The following NBAS variants were observed in gnomAD, a reference collection of about 807,000 sequenced individuals.
NBAS encodes the protein NBAS subunit of NRZ tethering complex.
Under a neutral mutation model 302.5 loss-of-function variants are expected in NBAS, and 219 were observed. The observed-to-expected ratio is 0.72, with a 90% CI of 0.65 to 0.81. The LOEUF is 0.81. Ranked by LOEUF, NBAS falls within the 30% of genes least tolerant of loss-of-function variation. The probability of loss-of-function intolerance (pLI) is 0.00; values close to 1 mark genes in which losing one functional copy is unlikely to be tolerated. For missense variants in NBAS, 2,932 were observed against 2,841.6 expected (o/e 1.03, Z -0.72); for synonymous variants, 1,118 against 1,021.6 (o/e 1.09, Z -1.80).
At chr2:15,527,314 G>C (rs755211029) in intron 9 of NBAS, among the ~76,000 whole-genome samples, 3 of 152,206 alleles carry the variant, frequency 2.0e-5, no homozygotes, top group Non-Finnish European at 4.4e-5. Context: ...TCAAGTAGCT[G>C]ATAGTCTAAT....
the NBAS span, among the ~76,000 whole-genome samples, chr2:14,990,906 T>C: frequency 0.015 from 2,282 of 152,086 alleles, 56 homozygotes; most frequent in African/African-American, 0.051. Flanking sequence ...AATGAAGAAA[T>C]AGACAATGGT....
intron 50 of NBAS, among the ~76,000 whole-genome samples, chr2:15,183,817 G>C (rs1411803108): frequency 3.3e-5 from 5 of 152,164 alleles, no homozygotes; most frequent in Non-Finnish European, 7.3e-5. Flanking sequence ...TGTGAGGAGT[G>C]CTCTAACCGA....
chr2:14,854,682 G>A, the NBAS span, among the ~76,000 whole-genome samples: 1 of 152,172 alleles, frequency 6.6e-6, no homozygotes, highest in Non-Finnish European at 1.5e-5. Flanking sequence ...TGTCCTGTTA[G>A]AGCAGAAAGG....
the NBAS span, among the ~76,000 whole-genome samples, chr2:15,044,405 A>G: frequency 1.3e-5 from 2 of 152,246 alleles, no homozygotes; most frequent in Non-Finnish European, 2.9e-5. Context: ...TTGACATTAC[A>G]CACACAGAAG....
intron 44 of NBAS, among the ~76,000 whole-genome samples, chr2:15,254,009 C>T (rs532498825): frequency 1.3e-5 from 2 of 152,154 alleles, no homozygotes; most frequent in African/African-American, 2.4e-5. Flanking sequence ...GAGAGAGGAA[C>T]GTGAATTCTC....
chr2:15,211,714 T>C (rs1489242060), intron 48 of NBAS, among the ~76,000 whole-genome samples: 2 of 152,194 alleles, frequency 1.3e-5, no homozygotes, highest in Admixed American at 6.5e-5. Context: ...TTGGACATGA[T>C]TAGCCCAACT....
At chr2:15,360,431 GA>G (rs756091794) in intron 32 of NBAS, among the ~76,000 whole-genome samples, 3 of 151,126 alleles carry the variant, frequency 2.0e-5, no homozygotes, top group Non-Finnish European at 4.4e-5. Flanking sequence ...GTAACCTCGT[GA>G]ACTCCTTGGT....
At chr2:15,068,453 G>A in the NBAS span, among the ~76,000 whole-genome samples, 16 of 152,276 alleles carry the variant, frequency 1.1e-4, no homozygotes, top group Non-Finnish European at 2.2e-4. Context: ...CTCTACTGAG[G>A]ACTTTGTCTA....
At chr2:15,297,625 C>G (rs1053633222) in intron 40 of NBAS, among the ~76,000 whole-genome samples, 1 of 152,226 alleles carries the variant, frequency 6.6e-6, no homozygotes, top group South Asian at 2.1e-4. Flanking sequence ...GCCTCCCAGC[C>G]ATGCTTCCTG....
the NBAS span, among the ~76,000 whole-genome samples, chr2:15,064,337 A>T: frequency 6.6e-6 from 1 of 151,214 alleles, no homozygotes; most frequent in South Asian, 2.1e-4. Flanking sequence ...ACGAGGAGAC[A>T]TTACAACTAA....
intron 35 of NBAS, among the ~76,000 whole-genome samples, chr2:15,331,031 T>C (rs1365092744): frequency 1.3e-5 from 2 of 152,156 alleles, no homozygotes; most frequent in Non-Finnish European, 2.9e-5. Context: ...CCCTCAGAAG[T>C]ACTTATAAAG....
chr2:15,475,820 A>G lies in NBAS; in HGVS notation c.1208T>C (p.Leu403Ser), dbSNP rs564423532. 1.2e-6 allele frequency: 2 copies of G among 1,614,090 alleles called. No homozygotes were observed. The highest frequency in any genetic ancestry group is 1.3e-5 in the African/African-American group (1 of 75,050). Residue 403 changes from leucine to serine, a missense_variant, in exon 14 of 52, where the codon TTA (leucine) becomes TCA (serine). Coordinates refer to ENST00000281513, the MANE Select transcript of NBAS (RefSeq NM_015909.4). ...VNWWADSAVT[L>S]ARCSGALTVS... ...AGTTAAAGCACCAGAGCATCGAGCT[A>G]AAGTCACTGCACTGTCTGCCCACCA...
the NBAS span, among the ~76,000 whole-genome samples, chr2:14,949,091 T>C: frequency 6.6e-6 from 1 of 151,954 alleles, no homozygotes; most frequent in Non-Finnish European, 1.5e-5. Context: ...AAAAATCAAA[T>C]CAAATTGGAT....
intron 42 of NBAS, among the ~76,000 whole-genome samples, chr2:15,283,007 A>G (rs1669891041): frequency 6.6e-6 from 1 of 152,132 alleles, no homozygotes; most frequent in African/African-American, 2.4e-5. Context: ...ACTTACTACA[A>G]CATACAACTT....
chr2:14,827,235 T>C, the NBAS span, among the ~76,000 whole-genome samples: 2 of 152,212 alleles, frequency 1.3e-5, no homozygotes, highest in Non-Finnish European at 2.9e-5. Flanking sequence ...CTTACTCACA[T>C]TGTGAGTGGT....
At chr2:15,313,705 T>C (rs1325786655) in intron 38 of NBAS, among the ~76,000 whole-genome samples, 2 of 152,234 alleles carry the variant, frequency 1.3e-5, no homozygotes, top group African/African-American at 2.4e-5. Flanking sequence ...CCAGAAATGC[T>C]GTTGAGCTTG....
At chr2:15,100,621 G>T in the NBAS span, among the ~76,000 whole-genome samples, 1 of 152,180 alleles carries the variant, frequency 6.6e-6, no homozygotes, top group African/African-American at 2.4e-5. Flanking sequence ...GAGACAGGGT[G>T]TCGAATTTAG....
chr2:14,848,415 C>T, the NBAS span, among the ~76,000 whole-genome samples: 6,968 of 118,416 alleles, frequency 0.059, 475 homozygotes, highest in African/African-American at 0.17. Flanking sequence ...ACACCTGGCT[C>T]GGAGGGTCCT....
chr2:15,144,063 A>ATATATATATAT, the NBAS span, among the ~76,000 whole-genome samples: 1 of 125,936 alleles, frequency 7.9e-6, no homozygotes, highest in East Asian at 3.7e-4. Context: ...ATATATATAT[A>ATATATATATAT]TATATCTCCC....
Sources: gnomAD v4.1 joint callset for allele counts (sites outside exome capture counted in the v4.1 genomes callset) on GRCh38, gnomAD v4.1.1 for gene constraint, MANE v1.5 for transcripts, NCBI Gene and HGNC (gene_info 2026-07-23, HGNC 2026-07-21) for gene names.